The following PATJ variants were observed in gnomAD, a reference collection of about 807,000 sequenced individuals.
PATJ encodes the protein PATJ crumbs cell polarity complex component.
In PATJ, 190 loss-of-function variants were observed where a neutral mutation model predicts 224.9. The ratio of observed to expected loss-of-function variants is 0.84; its 90% CI spans 0.75 to 0.95. The LOEUF (loss-of-function observed/expected upper bound fraction) is 0.95, where lower values mean the gene tolerates loss of function less well. Among genes scored for constraint, PATJ ranks in the 40% least tolerant of loss-of-function variants. The pLI, the probability that PATJ is intolerant of heterozygous loss-of-function variation, is 0.00. For synonymous variants in PATJ, 769 were observed against 820.3 expected, an observed-to-expected ratio of 0.94 and a Z score of 1.07; for missense variants, 2,121 against 2,270.3, an observed-to-expected ratio of 0.93 and a Z score of 1.34.
intron 28 of PATJ, among the ~76,000 whole-genome samples, chr1:61,990,759 T>G (rs1330526368): frequency 3.9e-5 from 6 of 151,964 alleles, no homozygotes; most frequent in Non-Finnish European, 8.8e-5. Context: ...TGGGGGGAAG[T>G]GGGGAAGATG....
chr1:61,806,476 G>A (rs1180472632), intron 13 of PATJ, among the ~76,000 whole-genome samples: 3 of 152,008 alleles, frequency 2.0e-5, no homozygotes, highest in South Asian at 2.1e-4. Flanking sequence ...AAAATTAGCC[G>A]GGCGTGGTGG....
intron 22 of PATJ, among the ~76,000 whole-genome samples, chr1:61,890,447 C>T (rs1362119832): frequency 6.6e-6 from 1 of 152,106 alleles, no homozygotes; most frequent in Non-Finnish European, 1.5e-5. Flanking sequence ...CCACTGCACT[C>T]CAGCCTGGCA....
intron 1 of PATJ, among the ~76,000 whole-genome samples, chr1:61,748,193 A>C (rs2148154872): frequency 7.2e-6 from 1 of 138,830 alleles, no homozygotes; most frequent in Admixed American, 7.4e-5. Flanking sequence ...TATTCTTAAG[A>C]GGGTTTAGTT....
At chr1:61,884,209 T>G (rs1668487094) in intron 21 of PATJ, 28 bp from the exon 22 acceptor site, 1 of 1,554,644 alleles carries the variant, frequency 6.4e-7, no homozygotes, top group Admixed American at 2.0e-5. Context: ...GCCTCTTGTG[T>G]TCACTGTCAT....
At chr1:62,078,033 A>G (rs938796150) in intron 31 of PATJ, among the ~76,000 whole-genome samples, 16 of 152,218 alleles carry the variant, frequency 1.1e-4, no homozygotes, top group African/African-American at 3.6e-4. Flanking sequence ...ACACTGCACA[A>G]TGCCCTGTAT....
chr1:61,997,999 A>AATAATATAT (rs1553236187), intron 28 of PATJ, among the ~76,000 whole-genome samples: 1 of 99,040 alleles, frequency 1.0e-5, no homozygotes, highest in Admixed American at 1.1e-4. Context: ...TGTATATATA[A>AATAATATAT]TATATTATAT....
chr1:61,907,268 C>A (rs1671986990), intron 24 of PATJ, among the ~76,000 whole-genome samples: 1 of 152,176 alleles, frequency 6.6e-6, no homozygotes, highest in African/African-American at 2.4e-5. Context: ...TGCCAAACCC[C>A]TTATGCCTCT....
chr1:62,151,656 T>C (rs1398663421), intron 42 of PATJ, among the ~76,000 whole-genome samples: 3 of 152,208 alleles, frequency 2.0e-5, no homozygotes, highest in Non-Finnish European at 4.4e-5. Context: ...TCTAGTTAAA[T>C]AGAACAACAT....
intron 27 of PATJ, among the ~76,000 whole-genome samples, chr1:61,931,533 G>A (rs1571350825): frequency 6.6e-6 from 1 of 152,328 alleles, no homozygotes; most frequent in Admixed American, 6.5e-5. Flanking sequence ...GGAGGCTAAG[G>A]CAGGTGGATC....
intron 37 of PATJ, among the ~76,000 whole-genome samples, chr1:62,120,614 A>G (rs918220458): frequency 6.6e-6 from 1 of 152,176 alleles, no homozygotes; most frequent in Non-Finnish European, 1.5e-5. Flanking sequence ...ATTGGACTAA[A>G]TTATTACTGA....
intron 27 of PATJ, among the ~76,000 whole-genome samples, chr1:61,965,899 T>G (rs1682059900): frequency 6.6e-6 from 1 of 152,160 alleles, no homozygotes; most frequent in Non-Finnish European, 1.5e-5. Flanking sequence ...TTATTTATGT[T>G]ATTTTTATTT....
At chr1:62,117,259 C>A in intron 37 of PATJ, 41 bp downstream of exon 37, 2 of 1,612,234 alleles carry the variant, frequency 1.2e-6, no homozygotes, top group Non-Finnish European at 1.7e-6. Flanking sequence ...ACTCTTCTGC[C>A]CCCACTGGGA....
intron 31 of PATJ, among the ~76,000 whole-genome samples, chr1:62,054,008 G>C (rs1654111892): frequency 6.6e-6 from 1 of 152,092 alleles, no homozygotes; most frequent in African/African-American, 2.4e-5. Flanking sequence ...AAGGAAGATA[G>C]ACAGTACATC....
At chr1:61,968,693 A>G (rs1682517290) in intron 27 of PATJ, among the ~76,000 whole-genome samples, 2 of 151,990 alleles carry the variant, frequency 1.3e-5, no homozygotes, top group African/African-American at 2.4e-5. Context: ...ATGTCTCCTA[A>G]TGCTATCCCT....
At chr1:62,030,813 A>G (rs1330995001) in intron 29 of PATJ, among the ~76,000 whole-genome samples, 2 of 152,122 alleles carry the variant, frequency 1.3e-5, no homozygotes, top group Non-Finnish European at 2.9e-5. Flanking sequence ...TTAACATAAC[A>G]TTTTTGAGAT....
intron 43 of PATJ, among the ~76,000 whole-genome samples, chr1:62,160,549 C>A (rs1197509452): frequency 5.3e-5 from 8 of 152,148 alleles, no homozygotes; most frequent in Non-Finnish European, 1.0e-4. Context: ...AGATTCAGTT[C>A]TATCTGCCTT....
At chr1:62,088,452 A>T (rs1442760192) in intron 33 of PATJ, among the ~76,000 whole-genome samples, 1 of 152,072 alleles carries the variant, frequency 6.6e-6, no homozygotes, top group Non-Finnish European at 1.5e-5. Flanking sequence ...CTCTTCCCAA[A>T]GAAGTCTTCC....
In PATJ at chr1:62,038,016, T is replaced by C; in HGVS notation, c.3999T>C (p.Phe1333=). 6.2e-7 allele frequency: 1 copy of C among 1,600,790 alleles called. No individual in the cohort carries two copies. The highest frequency in any genetic ancestry group is 2.2e-5 in the East Asian group (1 of 44,464). ...TCAATCAGATGGCCGTTACTCCCTT[T>C]CCAGTGCCATCAAGTTCTCCATCTT... is the stretch of plus-strand genomic sequence containing the variant. ...DAVNQMAVTP[F]PVPSSSPSSI... Residue 1333 remains phenylalanine (F), a synonymous_variant, in exon 30 of 44, where the codon TTT becomes TTC. Transcript: ENST00000642238.
chr1:62,137,381 G>C (rs951968487), intron 41 of PATJ, among the ~76,000 whole-genome samples: 30 of 123,220 alleles, frequency 2.4e-4, no homozygotes, highest in African/African-American at 9.5e-4. Flanking sequence ...AGTGAGTTTC[G>C]TCGGAGGGGG....
Sources: gnomAD v4.1 joint callset for allele counts (sites outside exome capture counted in the v4.1 genomes callset) on GRCh38, gnomAD v4.1.1 for gene constraint, MANE v1.5 for transcripts, NCBI Gene and HGNC (gene_info 2026-07-23, HGNC 2026-07-21) for gene names.